Variants in ITIH3 observed in about 807,000 individuals in gnomAD.
The protein encoded by ITIH3 is inter-alpha-trypsin inhibitor heavy chain 3.
A neutral mutation model predicts 96.5 loss-of-function variants in ITIH3; 81 were observed. That is an observed-to-expected ratio of 0.84 (90% CI 0.70 to 1.01). ITIH3 has a LOEUF of 1.01. Ranked by LOEUF, ITIH3 falls within the 50% of genes least tolerant of loss-of-function variation. ITIH3 has a pLI of 0.00. For missense variants in ITIH3, 1,057 were observed against 1,139.3 expected (o/e 0.93, Z 1.04); for synonymous variants, 422 against 445.2 (o/e 0.95, Z 0.66).
At chr3:52,804,261 G>A (rs913663719) in intron 14 of ITIH3, 3 of 536,158 alleles carry the variant, frequency 5.6e-6, no homozygotes, top group African/African-American at 1.9e-5. Flanking sequence ...CACTGCCCAT[G>A]GGGCATTTCA....
rs1400961683 is a variant in ITIH3, at chr3:52,802,754, T to A, written c.1657T>A (p.Tyr553Asn). ...LQERDYIFGN[Y>N]IERLWAYLTI... ...GGAGCGGGACTACATCTTCGGGAATTACATTGAGCGGCTCTGGGCCTACCT... is the reference window on the plus strand; with the variant it reads ...GGAGCGGGACTACATCTTCGGGAATAACATTGAGCGGCTCTGGGCCTACCT... The change falls in exon 13 of 22, where the codon TAC (tyrosine) becomes AAC (asparagine). Residue 553 changes from tyrosine (Y) to asparagine (N), a missense_variant. By Grantham distance (143) the Tyr-to-Asn change is moderately radical. Coordinates refer to ENST00000449956, the MANE Select transcript of ITIH3 (RefSeq NM_002217.4). 1 of 1,613,968 alleles carries A rather than the reference T, an allele frequency of 6.2e-7. No homozygotes were observed. The highest frequency in any genetic ancestry group is 1.1e-5 in the South Asian group (1 of 91,086).
At chr3:52,803,353 C>G (rs1478721353) in intron 13 of ITIH3, among the ~76,000 whole-genome samples, 1 of 147,964 alleles carries the variant, frequency 6.8e-6, no homozygotes, top group Admixed American at 6.7e-5. Flanking sequence ...GAGTCTCGCT[C>G]TGTCGCCCAG....
chr3:52,802,406 G>T lies in ITIH3; in HGVS notation c.1456G>T (p.Asp486Tyr). Residue 486 changes from aspartate to tyrosine, a missense_variant, in exon 12 of 22, where the codon GAC (aspartate) becomes TAC (tyrosine). Asp to Tyr is a radical substitution (Grantham distance 160). Coordinates refer to ENST00000449956, the MANE Select transcript of ITIH3 (RefSeq NM_002217.4). ...GGAGTACCCCGAGAACGCTATCCTG[G>T]ACCTCACCCAGAACACTTACCAGCA... ...EMEYPENAIL[D>Y]LTQNTYQHFY... 3 of 1,613,974 alleles carry T rather than the reference G, an allele frequency of 1.9e-6. No homozygotes were observed. Among genetic ancestry groups the T allele is most frequent in the Non-Finnish European group, 2.5e-6 (3 of 1,179,872 alleles).
In ITIH3 at chr3:52,802,533, G is replaced by A. The variant is rs1160409381; in HGVS notation, c.1569+14G>A. ...AAGGGCCATGGGGTGAGTGGGGACA[G>A]GGCCTGGAAGTGTGCTGGGGATGGG... On this transcript the variant is annotated intron_variant, in intron 12 of 21. Transcript: ENST00000449956. The A allele has an allele frequency of 1.9e-6, 3 of 1,613,388 alleles. No homozygotes were observed. The highest frequency in any genetic ancestry group is 1.7e-5 in the Admixed American group (1 of 59,996).
At chr3:52,796,395 C>T (rs1578750997) in intron 2 of ITIH3, 86 bp from the exon 3 acceptor site, 1 of 1,253,530 alleles carries the variant, frequency 8.0e-7, no homozygotes, top group Non-Finnish European at 1.1e-6. Context: ...TCAGAGCCTC[C>T]AAGGGTTTGC....
At chr3:52,796,913 A>C in intron 4 of ITIH3, 70 bp downstream of exon 4, 1 of 1,217,654 alleles carries the variant, frequency 8.2e-7, no homozygotes, top group Non-Finnish European at 1.2e-6. Flanking sequence ...ACAAACAACA[A>C]CAACAGCTAT....
Position 52,801,147 on chromosome 3 carries a change from G to T in ITIH3, c.1383+1G>T. On this transcript the variant is annotated splice_donor_variant, in intron 11 of 21. Coordinates refer to ENST00000449956, the MANE Select transcript of ITIH3 (RefSeq NM_002217.4). LOFTEE classifies it high-confidence loss of function. ...CTCTGATGCCGATTTGCAGTTGCAG[G>T]TATGCCTTGTCTTGCACACTTCCGG... The T allele has an allele frequency of 6.4e-7, 1 of 1,569,378 alleles. No homozygotes were observed. The highest frequency in any genetic ancestry group is 8.6e-7 in the Non-Finnish European group (1 of 1,158,234).
At chr3:52,797,719 C>T (rs1009945343) in intron 5 of ITIH3, 98 bp from the exon 6 acceptor site, 9 of 739,220 alleles carry the variant, frequency 1.2e-5, no homozygotes, top group Non-Finnish European at 1.9e-5. Flanking sequence ...CTAGAGGGTC[C>T]CTGCATCACC....
chr3:52,800,634 T>C lies in ITIH3; in HGVS notation c.1172T>C (p.Ile391Thr), dbSNP rs1291031410. ...CCAGAGAGGAGCACCTCCATTGTCA[T>C]CATGCTGACTGATGGGGATGCCAAT... The part of the protein sequence containing the change: ...RIPERSTSIV[I>T]MLTDGDANVG... The change falls in exon 10 of 22, where the codon ATC (isoleucine) becomes ACC (threonine). Residue 391 changes from isoleucine to threonine, a missense_variant. Physicochemically the swap from Ile to Thr is moderately conservative, Grantham distance 89. Transcript: ENST00000449956. 1 of 1,593,256 alleles carries C rather than the reference T, an allele frequency of 6.3e-7. No homozygotes were observed. Among genetic ancestry groups the C allele is most frequent in the African/African-American group, 1.3e-5 (1 of 74,600 alleles).
At position 52,808,642 on chromosome 3, in the gene ITIH3, T is replaced by G; in HGVS notation, c.2634T>G (p.Asp878Glu). Residue 878 changes from aspartate (D) to glutamate (E), a missense_variant, in exon 22 of 22, where the codon GAT becomes GAG. Transcript: ENST00000449956. ...FVHNNGEGLI[D>E]GVHTDYIVPN... The stretch of plus-strand genomic sequence containing the variant: ...ACAACAACGGAGAAGGGCTGATTGA[T>G]GGTGTCCACACTGACTACATTGTCC... 6.2e-7 allele frequency: 1 copy of G among 1,613,982 alleles called. No individual in the cohort carries two copies. The highest frequency in any genetic ancestry group is 8.5e-7 in the Non-Finnish European group (1 of 1,179,846).
chr3:52,797,220 G>T lies in ITIH3; in HGVS notation c.502G>T (p.Glu168Ter). 3.1e-6 allele frequency: 5 copies of T among 1,607,616 alleles called. No homozygotes were observed. The highest frequency in any genetic ancestry group is 4.2e-6 in the Non-Finnish European group (5 of 1,177,296). ...ELLKRHKGKY[E>*]MYLKVQPKQL... The stretch of plus-strand genomic sequence containing the variant: ...GCTGAAGAGGCACAAGGGCAAGTAC[G>T]AGATGTACCTCAAGGTCCAGCCTAA... Residue 168 changes from glutamate to a stop codon, truncating the protein, a stop_gained, in exon 5 of 22, where the codon GAG (glutamate) becomes TAG (stop). Coordinates refer to ENST00000449956, the MANE Select transcript of ITIH3 (RefSeq NM_002217.4). LOFTEE classifies it high-confidence loss of function.
chr3:52,802,954 G>A (rs1356151103), intron 13 of ITIH3, 148 bp downstream of exon 13: 9 of 925,166 alleles, frequency 9.7e-6, no homozygotes, highest in East Asian at 2.7e-5. Context: ...ACCCCAGGCC[G>A]CCACTCCCCA....
chr3:52,807,258 G>T lies in ITIH3; in HGVS notation c.2261+153G>T, dbSNP rs145170514. Among the ~76,000 whole-genome samples the T allele has an allele frequency of 4.8e-3, 738 of 152,316 alleles. 4 individuals carry two copies. Among genetic ancestry groups the T allele is most frequent in the Middle Eastern group, 0.01 (3 of 294 alleles). ...ATCCAGTCTCCTGTCACAGGGGAGG[G>T]TGACCATAGTGGCCCCCAACCAAAC... On this transcript the variant is annotated intron_variant, in intron 19 of 21. Coordinates refer to ENST00000449956, the MANE Select transcript of ITIH3 (RefSeq NM_002217.4).
rs370314584 is a variant in ITIH3 at position 52,807,932 on chromosome 3, A to G, written c.2431+16A>G. The G allele has an allele frequency of 9.4e-5, 151 of 1,610,660 alleles. No individual in the cohort carries two copies. The African/African-American group carries it at 1.7e-3, about 18-fold the overall frequency. On this transcript the variant is annotated intron_variant, in intron 20 of 21. Transcript: ENST00000449956. ...GGGCTGCTGGGTACGAAGTGTTCAGACTGCAGGCTGTTCAGGCCTGAGAGC... is the reference window on the plus strand; with the variant it reads ...GGGCTGCTGGGTACGAAGTGTTCAGGCTGCAGGCTGTTCAGGCCTGAGAGC...
chr3:52,807,723 C>T (rs1302716491), intron 19 of ITIH3, 24 bp from the exon 20 acceptor site: 1 of 1,595,388 alleles, frequency 6.3e-7, no homozygotes, highest in Non-Finnish European at 8.5e-7. Context: ...GGCCCCACAG[C>T]CACTTTCTGG....
chr3:52,807,715 C>A, intron 19 of ITIH3, 32 bp from the exon 20 acceptor site: 1 of 1,588,356 alleles, frequency 6.3e-7, no homozygotes. Context: ...GGCCACTGGG[C>A]CCCACAGCCA....
chr3:52,794,925 G>C, intron 1 of ITIH3, 29 bp downstream of exon 1: 1 of 1,568,814 alleles, frequency 6.4e-7, no homozygotes, highest in Non-Finnish European at 8.8e-7. Flanking sequence ...TGCCATCTGG[G>C]TCTTGGTGTG....
At chr3:52,806,048 G>C in intron 16 of ITIH3, 55 bp from the exon 17 acceptor site, 1 of 1,569,272 alleles carries the variant, frequency 6.4e-7, no homozygotes, top group Non-Finnish European at 8.7e-7. Flanking sequence ...GGGGTCGTCG[G>C]GCGCCTCCCA....
At chr3:52,802,893 G>A (rs1271905115) in intron 13 of ITIH3, 87 bp downstream of exon 13, 1 of 1,491,362 alleles carries the variant, frequency 6.7e-7, no homozygotes, top group Non-Finnish European at 9.1e-7. Context: ...CAGCGGTCCT[G>A]CCCTCTTCTT....
Sources: gnomAD v4.1 joint callset for allele counts (sites outside exome capture counted in the v4.1 genomes callset) on GRCh38, gnomAD v4.1.1 for gene constraint, MANE v1.5 for transcripts, NCBI Gene and HGNC (gene_info 2026-07-23, HGNC 2026-07-21) for gene names.